The following MAP4 variants were observed in gnomAD, a reference collection of about 807,000 sequenced individuals.
The protein encoded by MAP4 is microtubule associated protein 4, also known as microtubule-associated protein 4.
A neutral mutation model predicts 170.2 loss-of-function variants in MAP4; 76 were observed. That is an observed-to-expected ratio of 0.45 (90% CI 0.37 to 0.54). The LOEUF is 0.54. Among genes scored for constraint, MAP4 ranks in the 20% least tolerant of loss-of-function variants. MAP4 has a pLI of 0.00. For synonymous variants in MAP4, 909 were observed against 994.5 expected (o/e 0.91, Z 1.62); for missense variants, 2,506 against 2,748.0 (o/e 0.91, Z 1.97).
At chr3:47,856,677 T>C (rs1007130759) in intron 18 of MAP4, among the ~76,000 whole-genome samples, 1 of 152,256 alleles carries the variant, frequency 6.6e-6, no homozygotes, top group Non-Finnish European at 1.5e-5. Flanking sequence ...TCCGCCCGCT[T>C]TGGCCTCCCA....
At chr3:48,083,299 G>A (rs530340231) in intron 1 of MAP4, among the ~76,000 whole-genome samples, 2 of 152,304 alleles carry the variant, frequency 1.3e-5, no homozygotes, top group East Asian at 3.9e-4. Flanking sequence ...CAACTCTTCT[G>A]TAAACCTGAA....
intron 2 of MAP4, among the ~76,000 whole-genome samples, chr3:47,992,725 G>A (rs567267118): frequency 2.0e-5 from 3 of 151,956 alleles, no homozygotes; most frequent in Non-Finnish European, 4.4e-5. Flanking sequence ...CCAATATGGC[G>A]AAACCCCATC....
At chr3:48,087,577 C>A (rs1212606553) in intron 1 of MAP4, among the ~76,000 whole-genome samples, 1 of 152,144 alleles carries the variant, frequency 6.6e-6, no homozygotes, top group African/African-American at 2.4e-5. Flanking sequence ...CACCCTCCTC[C>A]TGGGCTGAGT....
chr3:47,866,234 G>A (rs2079587012), intron 17 of MAP4, among the ~76,000 whole-genome samples: 4 of 152,000 alleles, frequency 2.6e-5, no homozygotes, highest in Non-Finnish European at 5.9e-5. Flanking sequence ...CTACTTGGGA[G>A]GCTGAGGCAG....
intron 3 of MAP4, among the ~76,000 whole-genome samples, chr3:47,955,645 A>G (rs1264259812): frequency 6.6e-6 from 1 of 152,184 alleles, no homozygotes; most frequent in Non-Finnish European, 1.5e-5. Context: ...CAATTGCTCA[A>G]AACATGTCAA....
chr3:47,885,884 AC>A (rs1168051125), intron 10 of MAP4, among the ~76,000 whole-genome samples: 2 of 151,928 alleles, frequency 1.3e-5, no homozygotes, highest in Non-Finnish European at 2.9e-5. Context: ...GCCTGCCACC[AC>A]GCCCAACTAA....
At chr3:47,924,812 C>A (rs899685369) in intron 4 of MAP4, among the ~76,000 whole-genome samples, 1 of 131,912 alleles carries the variant, frequency 7.6e-6, no homozygotes, top group Non-Finnish European at 1.6e-5. Context: ...ATGGAAGCTA[C>A]GATATTTTTT....
At chr3:47,949,313 A>C (rs1211775677) in intron 3 of MAP4, among the ~76,000 whole-genome samples, 1 of 151,924 alleles carries the variant, frequency 6.6e-6, no homozygotes, top group Non-Finnish European at 1.5e-5. Context: ...TAAGAATACA[A>C]AAACTAGCCC....
chr3:48,014,878 C>A (rs575205630), intron 1 of MAP4, among the ~76,000 whole-genome samples: 8 of 152,194 alleles, frequency 5.3e-5, no homozygotes, highest in Non-Finnish European at 1.2e-4. Context: ...CATTGTTCAT[C>A]CCAGAGATGG....
At chr3:47,955,461 C>G (rs1039518871) in intron 3 of MAP4, among the ~76,000 whole-genome samples, 1 of 151,548 alleles carries the variant, frequency 6.6e-6, no homozygotes, top group Non-Finnish European at 1.5e-5. Context: ...CACACACACA[C>G]ACACACACAC....
chr3:47,891,676 A>G, intron 10 of MAP4: 2 of 1,536,304 alleles, frequency 1.3e-6, no homozygotes, highest in African/African-American at 1.4e-5. Flanking sequence ...ACTCCTTATC[A>G]TGGTCTCTGA....
At chr3:47,934,184 C>CCAGTGGTTT (rs1207975566) in intron 3 of MAP4, among the ~76,000 whole-genome samples, 1 of 152,168 alleles carries the variant, frequency 6.6e-6, no homozygotes, top group Non-Finnish European at 1.5e-5. Context: ...CCAGGCAGCA[C>CCAGTGGTTT]TGAATCAACA....
intron 2 of MAP4, chr3:47,987,256 T>C (rs917231216): frequency 5.0e-6 from 3 of 597,244 alleles, no homozygotes; most frequent in Non-Finnish European, 5.3e-6. Flanking sequence ...CCATGAAATA[T>C]GGCAGTAAAC....
chr3:48,087,753 A>G (rs867897596), intron 1 of MAP4, among the ~76,000 whole-genome samples: 4,863 of 149,354 alleles, frequency 0.033, 262 homozygotes, highest in African/African-American at 0.11. Flanking sequence ...GCGCACACAC[A>G]CACACACACA....
rs73831550 is a variant in MAP4, at chr3:48,080,426, A to T, written c.-20+8347T>A. On this transcript the variant is annotated intron_variant, in intron 1 of 18. Coordinates refer to the MAP4 transcript ENST00000360240. ...CAATACTGCTGAAAGTATTTTTTTT[A>T]AAAAAGCTAAATACCAGGAACTTCT... Among the ~76,000 whole-genome samples the T allele has an allele frequency of 3.1e-3, 469 of 152,266 alleles. 5 individuals are homozygous for T. Among genetic ancestry groups the T allele is most frequent in the African/African-American group, 0.01 (436 of 41,558 alleles).
intron 10 of MAP4, among the ~76,000 whole-genome samples, chr3:47,893,413 G>A (rs2100025114): frequency 6.6e-6 from 1 of 152,108 alleles, no homozygotes; most frequent in South Asian, 2.1e-4. Context: ...TGAACACACT[G>A]GGGGCAGTGC....
intron 3 of MAP4, among the ~76,000 whole-genome samples, chr3:47,935,139 G>A (rs1183347272): frequency 1.3e-5 from 2 of 152,178 alleles, no homozygotes; most frequent in South Asian, 4.1e-4. Flanking sequence ...GTTTATGTAG[G>A]ACAAGTGTCT....
At chr3:48,017,424 G>A (rs1372934634), upstream of MAP4, among the ~76,000 whole-genome samples, 1 of 151,912 alleles carries the variant, frequency 6.6e-6, no homozygotes, top group Non-Finnish European at 1.5e-5. Context: ...CTGAACATCA[G>A]GAAAACATTC....
intron 3 of MAP4, among the ~76,000 whole-genome samples, chr3:47,962,196 C>A (rs543309443): frequency 6.6e-6 from 1 of 152,170 alleles, no homozygotes; most frequent in East Asian, 1.9e-4. Flanking sequence ...TCACAGACAC[C>A]GATTCTGGGC....
Sources: allele counts gnomAD v4.1 joint callset (sites outside exome capture counted in the v4.1 genomes callset), GRCh38; gene constraint gnomAD v4.1.1; transcripts MANE v1.5; gene names NCBI Gene and HGNC (gene_info 2026-07-23, HGNC 2026-07-21).